The following CD9 variants were observed in gnomAD, a reference collection of about 807,000 sequenced individuals.
CD9 encodes CD9 molecule.
Under a neutral mutation model 31.4 loss-of-function variants are expected in CD9, and 10 were observed. The observed-to-expected ratio is 0.32, with a 90% CI of 0.20 to 0.54. The LOEUF is 0.54. Ranked by LOEUF, CD9 falls within the 20% of genes least tolerant of loss-of-function variation. The probability of loss-of-function intolerance (pLI) is 0.94; values close to 1 mark genes in which losing one functional copy is unlikely to be tolerated. For missense variants in CD9, 259 were observed against 300.1 expected (o/e 0.86, Z 1.01); for synonymous variants, 113 against 114.1 (o/e 0.99, Z 0.06).
In CD9 at chr12:6,229,338, A is replaced by G. The variant is rs1946411889; in HGVS notation, c.176-3294A>G. On this transcript the variant is annotated intron_variant, in intron 2 of 7. Coordinates refer to ENST00000009180, the MANE Select transcript of CD9 (RefSeq NM_001769.4). The stretch of plus-strand genomic sequence containing the variant: ...TTGGCCTTAGTAAGCTGGCATCCCC[A>G]TCCTGGCTTGTGACCTGGGGCAGTT... Among the ~76,000 whole-genome samples the G allele has an allele frequency of 2.0e-5, 3 of 152,136 alleles. 1 individual carries two copies. Among genetic ancestry groups the G allele is most frequent in the Admixed American group, 2.0e-4 (3 of 15,276 alleles).
At chr12:6,208,553 T>TTTTG (rs1555086567) in intron 1 of CD9, among the ~76,000 whole-genome samples, 1 of 152,210 alleles carries the variant, frequency 6.6e-6, no homozygotes, top group South Asian at 2.1e-4. Flanking sequence ...TTTTAGTTTT[T>TTTTG]TTTGTTTGTT....
In CD9 at chr12:6,233,262, C is replaced by T; in HGVS notation, c.274-150C>T. On this transcript the variant is annotated intron_variant, in intron 3 of 7. Coordinates refer to ENST00000009180, the MANE Select transcript of CD9 (RefSeq NM_001769.4). ...CTTGGTTAACTGCCTGTTCTGTGAA[C>T]TTCTTCCCTGCCCCTGCTAGGCTAT... 7.6e-6 allele frequency: 5 copies of T among 658,644 alleles called. 1 individual carries two copies. The South Asian group carries it at 9.0e-5, about 12-fold the overall frequency. 40.8% of individuals were successfully genotyped at this position (658,644 alleles called of 1,614,324 possible). A position where few individuals can be genotyped will look rare whatever the true frequency, so the allele number is the denominator to read the frequency against.
chr12:6,212,563 C>G (rs1946204057), intron 1 of CD9, among the ~76,000 whole-genome samples: 1 of 152,216 alleles, frequency 6.6e-6, no homozygotes, highest in African/African-American at 2.4e-5. Flanking sequence ...CAGGAGCCCC[C>G]CAGCTGCACT....
Position 6,225,322 on chromosome 12 carries a change from C to T in CD9, c.67-104C>T, listed in dbSNP as rs80205249. 301 of 755,354 alleles carry T rather than the reference C, an allele frequency of 4.0e-4. 4 individuals carry two copies. The East Asian group carries it at 7.2e-3, about 18-fold the overall frequency. 46.8% of individuals were successfully genotyped at this position (755,354 alleles called of 1,614,324 possible). On this transcript the variant is annotated intron_variant, in intron 1 of 7. Transcript: ENST00000009180. ...CCAGGCGTATATGAGGGGCAGAGACCAAGGGTGGTCACAAAGTCCTTTGCA... is the reference window on the plus strand; with the variant it reads ...CCAGGCGTATATGAGGGGCAGAGACTAAGGGTGGTCACAAAGTCCTTTGCA...
rs566115463 is a variant in CD9 at position 6,210,420 on chromosome 12, C to G, written c.66+9855C>G. ...GAACCAAGGGTGTGGCTGAAGCTCT[C>G]AGGACAAAGGCCAGGGAGAGGAAGC... On this transcript the variant is annotated intron_variant, in intron 1 of 7. Transcript: ENST00000009180. 2.6e-5 allele frequency among the ~76,000 whole-genome samples: 4 copies of G among 152,310 alleles called. No individual in the cohort carries two copies. In the East Asian group the frequency reaches 7.7e-4, roughly 29 times the overall value.
chr12:6,201,118 G>T (rs913800115), intron 1 of CD9: 1 of 152,308 alleles, frequency 6.6e-6, no homozygotes, highest in Non-Finnish European at 1.5e-5. Context: ...CCGCGGGTCC[G>T]GCCCCGGGAC....
intron 1 of CD9, among the ~76,000 whole-genome samples, chr12:6,214,592 GC>G (rs1197329137): frequency 1.3e-5 from 2 of 151,706 alleles, no homozygotes; most frequent in Non-Finnish European, 2.9e-5. Context: ...CAAGCATTCC[GC>G]CCCCCTCTCA....
At chr12:6,225,333 A>C in intron 1 of CD9, 93 bp from the exon 2 acceptor site, 1 of 811,894 alleles carries the variant, frequency 1.2e-6, no homozygotes, top group Non-Finnish European at 2.2e-6. Context: ...AAGGGTGGTC[A>C]CAAAGTCCTT....
At chr12:6,201,796 T>C (rs1003315197) in intron 1 of CD9, among the ~76,000 whole-genome samples, 7 of 152,140 alleles carry the variant, frequency 4.6e-5, no homozygotes, top group African/African-American at 1.7e-4. Flanking sequence ...CCCAGCACTT[T>C]GGGAGGCTGA....
chr12:6,205,734 G>A (rs951839176), intron 1 of CD9, among the ~76,000 whole-genome samples: 14 of 152,220 alleles, frequency 9.2e-5, no homozygotes, highest in African/African-American at 2.7e-4. Context: ...TGACAAAGGC[G>A]CCTTTTCTTC....
chr12:6,216,217 G>T (rs537397347), intron 1 of CD9, among the ~76,000 whole-genome samples: 53 of 152,374 alleles, frequency 3.5e-4, no homozygotes, highest in African/African-American at 1.2e-3. Context: ...GTTTTTAAAT[G>T]TTGAAGTCTG....
intron 1 of CD9, among the ~76,000 whole-genome samples, chr12:6,214,018 C>G (rs1446619667): frequency 6.6e-6 from 1 of 152,202 alleles, no homozygotes; most frequent in Admixed American, 6.5e-5. Context: ...CTCAGGGATT[C>G]ACATCTTTCC....
At chr12:6,210,422 G>A (rs1339626376) in intron 1 of CD9, among the ~76,000 whole-genome samples, 1 of 152,206 alleles carries the variant, frequency 6.6e-6, no homozygotes, top group Non-Finnish European at 1.5e-5. Flanking sequence ...GAAGCTCTCA[G>A]GACAAAGGCC....
intron 1 of CD9, among the ~76,000 whole-genome samples, chr12:6,208,205 CAA>C (rs1334564096): frequency 1.5e-5 from 2 of 134,562 alleles, no homozygotes; most frequent in Non-Finnish European, 3.1e-5. Flanking sequence ...GCCTGGGCGA[CAA>C]GAGTGAAACT....
intron 1 of CD9, among the ~76,000 whole-genome samples, chr12:6,214,591 C>T (rs762292076): frequency 1.3e-5 from 2 of 151,996 alleles, no homozygotes; most frequent in Non-Finnish European, 2.9e-5. Flanking sequence ...TCAAGCATTC[C>T]GCCCCCCTCT....
chr12:6,200,520 C>T lies in CD9; in HGVS notation c.21C>T (p.Thr7=), dbSNP rs1379749899. 1 of 1,611,098 alleles carries T rather than the reference C, an allele frequency of 6.2e-7. No homozygotes were observed. The highest frequency in any genetic ancestry group is 8.5e-7 in the Non-Finnish European group (1 of 1,177,954). The change falls in exon 1 of 8, where the codon ACC becomes ACT. Residue 7 remains threonine, a synonymous_variant. Coordinates refer to ENST00000009180, the MANE Select transcript of CD9 (RefSeq NM_001769.4). MPVKGG[T]KCIKYLLFGF... is the part of the protein sequence containing the mutation. ...TCACCATGCCGGTCAAAGGAGGCAC[C>T]AAGTGCATCAAATACCTGCTGTTCG...
chr12:6,216,364 G>A (rs979502813), intron 1 of CD9, among the ~76,000 whole-genome samples: 1 of 152,174 alleles, frequency 6.6e-6, no homozygotes, highest in African/African-American at 2.4e-5. Flanking sequence ...GGGTGCTATG[G>A]ACAACTATGA....
At chr12:6,226,072 A>G (rs982872513) in intron 2 of CD9, among the ~76,000 whole-genome samples, 4 of 152,144 alleles carry the variant, frequency 2.6e-5, no homozygotes, top group African/African-American at 9.7e-5. Context: ...TACTGGGGTA[A>G]ATGCTGTAGT....
At chr12:6,225,303 G>T in intron 1 of CD9, 123 bp from the exon 2 acceptor site, 1 of 681,230 alleles carries the variant, frequency 1.5e-6, no homozygotes, top group Non-Finnish European at 2.7e-6. Flanking sequence ...ACTACCAGGC[G>T]TATATGAGGG....
Sources: allele counts gnomAD v4.1 joint callset (sites outside exome capture counted in the v4.1 genomes callset), GRCh38; gene constraint gnomAD v4.1.1; transcripts MANE v1.5; gene names NCBI Gene and HGNC (gene_info 2026-07-23, HGNC 2026-07-21).